The following WWOX variants were observed in gnomAD, a reference collection of about 807,000 sequenced individuals.
The protein encoded by WWOX is WW domain-containing oxidoreductase.
In WWOX, 69 loss-of-function variants were observed where a neutral mutation model predicts 46.2. The observed-to-expected ratio is 1.49, with a 90% CI of 1.23 to 1.82. The LOEUF is 1.82. Among genes scored for constraint, WWOX ranks in the 40% most tolerant of loss-of-function variants. The pLI, the probability that WWOX is intolerant of heterozygous loss-of-function variation, is 0.00. For synonymous variants in WWOX, 359 were observed against 202.6 expected, an observed-to-expected ratio of 1.77 and a Z score of -6.56; for missense variants, 919 against 542.6, an observed-to-expected ratio of 1.69 and a Z score of -6.89.
At chr16:79,056,176 C>T (rs2048258309) in intron 8 of WWOX, among the ~76,000 whole-genome samples, 1 of 149,950 alleles carries the variant, frequency 6.7e-6, no homozygotes, top group Admixed American at 6.7e-5. Context: ...AGTTTCCCTT[C>T]TTTGGTCTTT....
chr16:78,106,207 C>G (rs2032132966), intron 1 of WWOX, among the ~76,000 whole-genome samples: 2 of 152,148 alleles, frequency 1.3e-5, no homozygotes, highest in Admixed American at 6.5e-5. Flanking sequence ...AAGGAAAATG[C>G]AAGTCCATCT....
At chr16:78,424,524 G>C (rs903906315) in intron 6 of WWOX, among the ~76,000 whole-genome samples, 7 of 152,182 alleles carry the variant, frequency 4.6e-5, no homozygotes, top group African/African-American at 1.7e-4. Flanking sequence ...AATTAAGAAA[G>C]AATTAATCAG....
chr16:78,367,421 TTC>T (rs757478613), intron 5 of WWOX, among the ~76,000 whole-genome samples: 2 of 152,158 alleles, frequency 1.3e-5, no homozygotes, highest in Non-Finnish European at 2.9e-5. Flanking sequence ...CCATTTTTTT[TTC>T]AACTCATCAG....
rs561995315 is a variant in WWOX, at chr16:78,305,537, C to T, written c.517-81323C>T. On this transcript the variant is annotated intron_variant, in intron 5 of 8. Coordinates refer to ENST00000566780, the MANE Select transcript of WWOX (RefSeq NM_016373.4). ...CCTCTGGAAGTTAAAGCCCAGATCC[C>T]GTGAACTGATTAAAAAGCCCCAGAC... Among the ~76,000 whole-genome samples, 13 of 152,112 alleles carry T rather than the reference C, an allele frequency of 8.5e-5. No individual in the cohort carries two copies. The East Asian group carries it at 2.1e-3, about 25-fold the overall frequency.
chr16:78,905,686 A>G (rs959487598), intron 8 of WWOX, among the ~76,000 whole-genome samples: 2 of 152,176 alleles, frequency 1.3e-5, no homozygotes, highest in African/African-American at 4.8e-5. Flanking sequence ...CCCAGCCAGA[A>G]TCCTTCCATT....
chr16:78,742,164 T>C lies in WWOX; in HGVS notation c.1056+309412T>C, dbSNP rs887204429. Among the ~76,000 whole-genome samples, 3 of 152,252 alleles carry C rather than the reference T, an allele frequency of 2.0e-5. No individual in the cohort carries two copies. In the East Asian group the frequency reaches 5.8e-4, roughly 29 times the overall value. ...CCTTGCAATGTTTTGTAATATTACATGTAGATTGTACATCGTTTGTCGATA... is the reference window on the plus strand; with the variant it reads ...CCTTGCAATGTTTTGTAATATTACACGTAGATTGTACATCGTTTGTCGATA... On this transcript the variant is annotated intron_variant, in intron 8 of 8. Transcript: ENST00000566780.
intron 8 of WWOX, among the ~76,000 whole-genome samples, chr16:78,649,127 C>G (rs952630792): frequency 1.6e-4 from 25 of 152,196 alleles, no homozygotes; most frequent in African/African-American, 5.8e-4. Flanking sequence ...GCGCCCACCA[C>G]CAAGCCCAGC....
chr16:78,402,545 TC>T (rs2082438197), intron 6 of WWOX, among the ~76,000 whole-genome samples: 1 of 151,800 alleles, frequency 6.6e-6, no homozygotes, highest in Non-Finnish European at 1.5e-5. Context: ...CTTCAGCACT[TC>T]CCCCAAGCTC....
chr16:78,564,698 T>C (rs1597274889), intron 8 of WWOX, among the ~76,000 whole-genome samples: 1 of 152,222 alleles, frequency 6.6e-6, no homozygotes, highest in African/African-American at 2.4e-5. Flanking sequence ...TCTGGCACCC[T>C]TCTTCCTGGC....
chr16:78,455,185 T>C (rs1480768029), intron 8 of WWOX, among the ~76,000 whole-genome samples: 1 of 152,158 alleles, frequency 6.6e-6, no homozygotes, highest in Non-Finnish European at 1.5e-5. Context: ...ACGTCTTTAC[T>C]GAGACTTGAA....
intron 8 of WWOX, among the ~76,000 whole-genome samples, chr16:79,045,678 G>T (rs1352459909): frequency 6.6e-6 from 1 of 150,816 alleles, no homozygotes; most frequent in Non-Finnish European, 1.5e-5. Flanking sequence ...CTTACTAACT[G>T]CATTGTGGGT....
intron 8 of WWOX, chr16:79,105,839 G>C (rs1222233353): frequency 6.6e-6 from 1 of 151,942 alleles, no homozygotes; most frequent in Non-Finnish European, 1.5e-5. Flanking sequence ...AATTTCTTTT[G>C]TGTTGCTATT....
intron 5 of WWOX, among the ~76,000 whole-genome samples, chr16:78,318,137 C>T (rs528415392): frequency 3.3e-5 from 5 of 152,222 alleles, no homozygotes; most frequent in Admixed American, 6.5e-5. Context: ...AAAGGCACTG[C>T]GTCCCTCAAA....
intron 8 of WWOX, among the ~76,000 whole-genome samples, chr16:78,479,611 C>G (rs1252285629): frequency 2.6e-5 from 4 of 152,134 alleles, no homozygotes; most frequent in Non-Finnish European, 5.9e-5. Context: ...TAGACTGTCA[C>G]TGCTCTCGTT....
chr16:78,876,815 C>A (rs933202809), intron 8 of WWOX, among the ~76,000 whole-genome samples: 2 of 152,132 alleles, frequency 1.3e-5, no homozygotes, highest in African/African-American at 4.8e-5. Flanking sequence ...TGTGCTCAAA[C>A]AGATATTTTC....
intron 4 of WWOX, among the ~76,000 whole-genome samples, chr16:78,118,318 A>G (rs955150930): frequency 8.5e-5 from 13 of 152,270 alleles, no homozygotes; most frequent in African/African-American, 3.1e-4. Flanking sequence ...AAAATCAGGG[A>G]TTCTGACAGA....
intron 8 of WWOX, among the ~76,000 whole-genome samples, chr16:79,043,471 A>T (rs1442902814): frequency 6.6e-6 from 1 of 152,326 alleles, no homozygotes; most frequent in African/African-American, 2.4e-5. Flanking sequence ...GAGGAAAAGC[A>T]AGTGCATTAG....
At chr16:78,840,362 G>C (rs1269766299) in intron 8 of WWOX, among the ~76,000 whole-genome samples, 1 of 152,112 alleles carries the variant, frequency 6.6e-6, no homozygotes, top group Non-Finnish European at 1.5e-5. Context: ...ATGAGGCATG[G>C]TAAGGCCACT....
intron 5 of WWOX, among the ~76,000 whole-genome samples, chr16:78,313,811 G>C (rs994747996): frequency 6.6e-6 from 1 of 152,138 alleles, no homozygotes; most frequent in Admixed American, 6.5e-5. Flanking sequence ...GGTTTCACTA[G>C]CCTTTGATCC....
Sources: allele counts gnomAD v4.1 joint callset (sites outside exome capture counted in the v4.1 genomes callset), GRCh38; gene constraint gnomAD v4.1.1; transcripts MANE v1.5; gene names NCBI Gene and HGNC (gene_info 2026-07-23, HGNC 2026-07-21).